The following AAMDC variants were observed in gnomAD, a reference collection of about 807,000 sequenced individuals.
AAMDC encodes the protein adipogenesis associated Mth938 domain containing.
In AAMDC, 16 loss-of-function variants were observed where a neutral mutation model predicts 15.5. That is an observed-to-expected ratio of 1.03 (90% CI 0.70 to 1.57). The LOEUF (loss-of-function observed/expected upper bound fraction) is 1.57. AAMDC is among the 40% of genes most tolerant of loss of function. The probability of loss-of-function intolerance (pLI) is 0.00; values close to 1 mark genes in which losing one functional copy is unlikely to be tolerated. For synonymous variants in AAMDC, 51 were observed against 51.6 expected (o/e 0.99, Z 0.05); for missense variants, 141 against 144.9 (o/e 0.97, Z 0.14).
chr11:77,903,054 G>A (rs748120918), downstream of AAMDC, among the ~76,000 whole-genome samples: 8 of 152,202 alleles, frequency 5.3e-5, no homozygotes, highest in Non-Finnish European at 8.8e-5. Flanking sequence ...ACAGGTGTGA[G>A]CCACCGCGCC....
intron 5 of AAMDC, chr11:77,883,725 C>T (rs757583072): frequency 1.8e-5 from 21 of 1,186,462 alleles, no homozygotes; most frequent in Non-Finnish European, 2.4e-5. Flanking sequence ...TCTTACAAGG[C>T]CTGATTCATC....
rs139431247 is a variant in AAMDC, at chr11:77,871,983, G to A, written c.229-192G>A. Among the ~76,000 whole-genome samples, 5 of 152,320 alleles carry A rather than the reference G, an allele frequency of 3.3e-5. No homozygotes were observed. In the East Asian group the frequency reaches 9.6e-4, roughly 29 times the overall value. On this transcript the variant is annotated intron_variant, in intron 3 of 3. Coordinates refer to ENST00000393427, the MANE Select transcript of AAMDC (RefSeq NM_024684.4). ...CTTGAGCTTTATGCATGGGTATTAT[G>A]ATACCTCTGACAAAGAGGCCTTTTT...
In AAMDC at chr11:77,852,224, C is replaced by CAAAAAAAAAAAAAAAAAAAA. The variant is rs545742213; in HGVS notation, c.132+9613_132+9614insAAAAAAAAAAAAAAAAAAAA. ...TGGCCAACAGAATGAGACACTGTCT[C>CAAAAAAAAAAAAAAAAAAAA]AAAAAAAAAAAAAAAAAGAAGAAGA... On this transcript the variant is annotated intron_variant, in intron 2 of 3. Coordinates refer to ENST00000393427, the MANE Select transcript of AAMDC (RefSeq NM_024684.4). Among the ~76,000 whole-genome samples the CAAAAAAAAAAAAAAAAAAAA allele has an allele frequency of 2.0e-3, 66 of 33,390 alleles. 1 individual carries two copies. The highest frequency in any genetic ancestry group is 2.5e-3 in the Non-Finnish European group (52 of 20,652). The allele number at this position is 33,390 out of a possible 152,430, so 21.9% of individuals were successfully genotyped here. A position where few individuals can be genotyped will look rare whatever the true frequency, so the allele number is the denominator to read the frequency against.
chr11:77,881,828 A>G (rs1008115405), intron 5 of AAMDC, among the ~76,000 whole-genome samples: 2 of 152,190 alleles, frequency 1.3e-5, no homozygotes, highest in African/African-American at 2.4e-5. Flanking sequence ...CGCACTATAT[A>G]TAAACAATTA....
intron 1 of AAMDC, among the ~76,000 whole-genome samples, chr11:77,837,102 GTGT>G (rs1352604023): frequency 6.6e-6 from 1 of 152,152 alleles, no homozygotes; most frequent in East Asian, 1.9e-4. Context: ...TTGAACTTCT[GTGT>G]TGTTTTTTGT....
chr11:77,894,107 A>G (rs1952403367), intron 5 of AAMDC, among the ~76,000 whole-genome samples: 1 of 152,118 alleles, frequency 6.6e-6, no homozygotes, highest in African/African-American at 2.4e-5. Context: ...CTATAACATT[A>G]AGGAAAAAAA....
intron 1 of AAMDC, among the ~76,000 whole-genome samples, chr11:77,823,289 C>G (rs1949015822): frequency 6.6e-6 from 1 of 151,088 alleles, no homozygotes; most frequent in Admixed American, 6.6e-5. Flanking sequence ...TTATCACTGC[C>G]AAAGAAGTTT....
downstream of AAMDC, among the ~76,000 whole-genome samples, chr11:77,873,455 G>A (rs182514774): frequency 6.6e-6 from 1 of 152,186 alleles, no homozygotes; most frequent in Non-Finnish European, 1.5e-5. Context: ...AAGAGCCATA[G>A]AATGTTGGAG....
intron 5 of AAMDC, among the ~76,000 whole-genome samples, chr11:77,900,284 A>G (rs1023585874): frequency 6.6e-6 from 1 of 152,034 alleles, no homozygotes. Flanking sequence ...TATTTTTAGT[A>G]GAGACAGGGT....
rs577216756 is a variant in AAMDC at position 77,836,889 on chromosome 11, C to T, written c.-18-5590C>T. ...CTGAGGCAGGAGAATCGCTTGAACCCGGGAGGCGGAGGTTGCGGTGAGCCA... is the reference window on the plus strand; with the variant it reads ...CTGAGGCAGGAGAATCGCTTGAACCTGGGAGGCGGAGGTTGCGGTGAGCCA... On this transcript the variant is annotated intron_variant, in intron 1 of 3. Coordinates refer to ENST00000393427, the MANE Select transcript of AAMDC (RefSeq NM_024684.4). Among the ~76,000 whole-genome samples the T allele has an allele frequency of 1.4e-3, 220 of 152,114 alleles. 1 individual carries two copies. Among genetic ancestry groups the T allele is most frequent in the Admixed American group, 2.4e-3 (37 of 15,282 alleles).
At chr11:77,828,460 G>C (rs1590921849) in intron 1 of AAMDC, among the ~76,000 whole-genome samples, 1 of 152,200 alleles carries the variant, frequency 6.6e-6, no homozygotes, top group East Asian at 1.9e-4. Flanking sequence ...AAGGTCAGGA[G>C]ATCGAGACCA....
chr11:77,830,890 C>T (rs1949389954), intron 1 of AAMDC, among the ~76,000 whole-genome samples: 1 of 151,006 alleles, frequency 6.6e-6, no homozygotes, highest in East Asian at 1.9e-4. Flanking sequence ...CCTGTAATCC[C>T]ATCACTTTGG....
At chr11:77,837,904 A>G (rs1451035042) in intron 1 of AAMDC, among the ~76,000 whole-genome samples, 1 of 152,160 alleles carries the variant, frequency 6.6e-6, no homozygotes, top group Non-Finnish European at 1.5e-5. Flanking sequence ...ATAAATAAAT[A>G]AATAAATAAA....
intron 2 of AAMDC, among the ~76,000 whole-genome samples, chr11:77,861,394 C>T (rs1950869918): frequency 6.6e-6 from 1 of 152,166 alleles, no homozygotes; most frequent in African/African-American, 2.4e-5. Context: ...GACAGTTGTC[C>T]AGGACAGGAG....
downstream of AAMDC, among the ~76,000 whole-genome samples, chr11:77,874,514 T>C (rs1009474715): frequency 3.9e-4 from 60 of 152,208 alleles, no homozygotes; most frequent in African/African-American, 1.4e-3. Flanking sequence ...CAGAAGTATC[T>C]GTCAGTGACA....
At position 77,842,493 on chromosome 11, in the gene AAMDC, C is replaced by T. The variant is rs758318948; in HGVS notation, c.-4C>T. ...TTTAATTTCAGACTTCAGTGAAGTT[C>T]CTTATGACTTCCCCTGAAATTGCTT... On this transcript the variant is annotated 5_prime_UTR_variant, in exon 2 of 4. Coordinates refer to ENST00000393427, the MANE Select transcript of AAMDC (RefSeq NM_024684.4). 1.2e-6 allele frequency: 2 copies of T among 1,612,950 alleles called. No individual in the cohort carries two copies. The highest frequency in any genetic ancestry group is 1.7e-6 in the Non-Finnish European group (2 of 1,179,796).
intron 5 of AAMDC, among the ~76,000 whole-genome samples, chr11:77,883,373 T>C (rs2136358976): frequency 6.6e-6 from 1 of 152,272 alleles, no homozygotes; most frequent in Admixed American, 6.5e-5. Flanking sequence ...ATCCTCACAA[T>C]TCAGACATAA....
chr11:77,830,119 A>G (rs1224346302), intron 1 of AAMDC: 1 of 152,252 alleles, frequency 6.6e-6, no homozygotes, highest in Non-Finnish European at 1.5e-5. Flanking sequence ...ACAGAGCAAG[A>G]CCCTGTACCT....
Position 77,890,673 on chromosome 11 carries a change from G to A in AAMDC, c.329-9898G>A, listed in dbSNP as rs1488445864. On this transcript the variant is annotated intron_variant, in intron 5 of 5. Transcript: ENST00000304716. ...TGCACACCCCGAGAGGAAGAACTGT[G>A]ACATATTTACCTTGGCAACCACAGC... Among the ~76,000 whole-genome samples the A allele has an allele frequency of 2.0e-5, 3 of 152,164 alleles. No homozygotes were observed. The East Asian group carries it at 5.8e-4, about 29-fold the overall frequency.
Sources: allele counts gnomAD v4.1 joint callset (sites outside exome capture counted in the v4.1 genomes callset), GRCh38; gene constraint gnomAD v4.1.1; transcripts MANE v1.5; gene names NCBI Gene and HGNC (gene_info 2026-07-23, HGNC 2026-07-21).